The following ZMAT4 variants were observed in gnomAD, a reference collection of about 807,000 sequenced individuals.
ZMAT4 encodes the protein zinc finger matrin-type protein 4.
Under a neutral mutation model 28.7 loss-of-function variants are expected in ZMAT4, and 17 were observed. That is an observed-to-expected ratio of 0.59 (90% CI 0.41 to 0.89). The LOEUF (loss-of-function observed/expected upper bound fraction) is 0.89. ZMAT4 is among the 40% of genes least tolerant of loss of function. The pLI, the probability that ZMAT4 is intolerant of heterozygous loss-of-function variation, is 0.00. For missense variants in ZMAT4, 240 were observed against 283.8 expected (o/e 0.85, Z 1.11); for synonymous variants, 117 against 109.2 (o/e 1.07, Z -0.44).
chr8:40,767,490 TATA>T (rs1813211338), intron 3 of ZMAT4, 148 bp downstream of exon 3: 1 of 619,610 alleles, frequency 1.6e-6, no homozygotes, highest in East Asian at 3.0e-5. Flanking sequence ...AACCTCGATA[TATA>T]TCATAGTACC....
chr8:40,862,246 AAG>A (rs1817520932), intron 1 of ZMAT4, among the ~76,000 whole-genome samples: 1 of 152,076 alleles, frequency 6.6e-6, no homozygotes, highest in African/African-American at 2.4e-5. Context: ...AGCCATAAAA[AAG>A]GATGAGTTCA....
chr8:40,586,150 A>G (rs904144522), intron 5 of ZMAT4, among the ~76,000 whole-genome samples: 25 of 152,318 alleles, frequency 1.6e-4, no homozygotes, highest in Admixed American at 1.2e-3. Context: ...TCCCCCACGC[A>G]TGACACAGTG....
At chr8:40,888,466 C>T (rs1051091419) in intron 1 of ZMAT4, 1 of 152,362 alleles carries the variant, frequency 6.6e-6, no homozygotes, top group African/African-American at 2.4e-5. Context: ...GCCATGCAGC[C>T]TACACCACTC....
Position 40,607,418 on chromosome 8 carries a change from C to T in ZMAT4, c.578-26157G>A, listed in dbSNP as rs368640609. ...GTACTGGGATTACAGGCATGAGCCA[C>T]GGTGCCTGGCCTATATCTTGTATCC... On this transcript the variant is annotated intron_variant, in intron 5 of 6. Transcript: ENST00000297737. 1.5e-4 allele frequency among the ~76,000 whole-genome samples: 23 copies of T among 152,218 alleles called. 1 individual carries two copies. Among genetic ancestry groups the T allele is most frequent in the Admixed American group, 3.3e-4 (5 of 15,276 alleles).
chr8:40,583,354 T>A (rs1804556101), intron 5 of ZMAT4, among the ~76,000 whole-genome samples: 1 of 152,180 alleles, frequency 6.6e-6, no homozygotes, highest in African/African-American at 2.4e-5. Flanking sequence ...TCTCACAGAC[T>A]GTGTGTACCC....
chr8:40,574,798 CTGCAG>C (rs1804208030), intron 6 of ZMAT4, among the ~76,000 whole-genome samples: 1 of 152,174 alleles, frequency 6.6e-6, no homozygotes, highest in East Asian at 1.9e-4. Context: ...CACATTGTCA[CTGCAG>C]ACACCTGTAG....
intron 5 of ZMAT4, among the ~76,000 whole-genome samples, chr8:40,624,879 G>A (rs919700013): frequency 2.0e-5 from 3 of 152,202 alleles, no homozygotes; most frequent in African/African-American, 7.2e-5. Context: ...AATGGACAGA[G>A]TTCATGCCCC....
chr8:40,544,576 G>C (rs759328544), intron 6 of ZMAT4, among the ~76,000 whole-genome samples: 8 of 152,206 alleles, frequency 5.3e-5, no homozygotes, highest in Non-Finnish European at 1.0e-4. Flanking sequence ...GCTTTTCTTG[G>C]AGAGAATTGT....
At chr8:40,808,966 C>T (rs1419515286) in intron 2 of ZMAT4, among the ~76,000 whole-genome samples, 1 of 152,012 alleles carries the variant, frequency 6.6e-6, no homozygotes, top group Non-Finnish European at 1.5e-5. Context: ...ATACCCAGTA[C>T]TAGGACTGCT....
At chr8:40,868,559 G>A (rs1478753643) in intron 1 of ZMAT4, among the ~76,000 whole-genome samples, 1 of 152,166 alleles carries the variant, frequency 6.6e-6, no homozygotes, top group African/African-American at 2.4e-5. Context: ...CACCAAGGAG[G>A]GCTCAGTGGC....
chr8:40,866,774 T>A (rs111614644), intron 1 of ZMAT4, among the ~76,000 whole-genome samples: 42 of 152,354 alleles, frequency 2.8e-4, no homozygotes, highest in African/African-American at 9.4e-4. Context: ...GTGCTGTGTA[T>A]GTGGATATCC....
intron 2 of ZMAT4, among the ~76,000 whole-genome samples, chr8:40,813,733 A>C (rs1161279547): frequency 1.3e-5 from 2 of 152,224 alleles, no homozygotes; most frequent in Non-Finnish European, 2.9e-5. Flanking sequence ...TGACAAGTTG[A>C]TAGCTTCATG....
chr8:40,743,438 A>G (rs1812094787), intron 3 of ZMAT4, among the ~76,000 whole-genome samples: 1 of 152,196 alleles, frequency 6.6e-6, no homozygotes, highest in Non-Finnish European at 1.5e-5. Context: ...ACACTTCCCC[A>G]GGGCCAGGAT....
chr8:40,742,026 G>T (rs1812024817), intron 3 of ZMAT4, among the ~76,000 whole-genome samples: 1 of 151,720 alleles, frequency 6.6e-6, no homozygotes, highest in Admixed American at 6.6e-5. Context: ...ATCACTTGAG[G>T]CCAGGAGTTT....
rs375764142 is a variant in ZMAT4 at position 40,610,181 on chromosome 8, G to A, written c.578-28920C>T. ...TAGGTCCCCACTGATTACCAAATCC[G>A]GAATGTGAAAAGCTTTCGTTTATAT... is the stretch of plus-strand genomic sequence containing the variant. On this transcript the variant is annotated intron_variant, in intron 5 of 6. Coordinates refer to ENST00000297737, the MANE Select transcript of ZMAT4 (RefSeq NM_024645.3). Among the ~76,000 whole-genome samples the A allele has an allele frequency of 3.9e-5, 6 of 152,234 alleles. No homozygotes were observed. The East Asian group carries it at 5.8e-4, about 15-fold the overall frequency.
intron 1 of ZMAT4, among the ~76,000 whole-genome samples, chr8:40,836,744 G>A (rs958415825): frequency 3.3e-5 from 5 of 152,218 alleles, no homozygotes; most frequent in African/African-American, 7.2e-5. Context: ...CAAGATTCAG[G>A]ATGATGATTG....
At chr8:40,820,357 T>C (rs1368023410) in intron 2 of ZMAT4, among the ~76,000 whole-genome samples, 1 of 149,824 alleles carries the variant, frequency 6.7e-6, no homozygotes, top group African/African-American at 2.5e-5. Flanking sequence ...TGTGTGTGTT[T>C]GTGTGTGTCT....
At chr8:40,575,188 C>G (rs531573434) in intron 6 of ZMAT4, among the ~76,000 whole-genome samples, 1 of 152,156 alleles carries the variant, frequency 6.6e-6, no homozygotes, top group Non-Finnish European at 1.5e-5. Context: ...AACAGCTCAG[C>G]AAACCTGCCC....
chr8:40,861,046 T>C (rs577072018), intron 1 of ZMAT4, among the ~76,000 whole-genome samples: 6 of 152,322 alleles, frequency 3.9e-5, no homozygotes, highest in African/African-American at 1.2e-4. Flanking sequence ...CTTCTGACAC[T>C]CTCTTACAGT....
Sources: allele counts gnomAD v4.1 joint callset (sites outside exome capture counted in the v4.1 genomes callset), GRCh38; gene constraint gnomAD v4.1.1; transcripts MANE v1.5; gene names NCBI Gene and HGNC (gene_info 2026-07-23, HGNC 2026-07-21).